The following NAV3 variants were observed in gnomAD, a reference collection of about 807,000 sequenced individuals.
The protein encoded by NAV3 is neuron navigator 3.
Under a neutral mutation model 244.7 loss-of-function variants are expected in NAV3, and 87 were observed. That is an observed-to-expected ratio of 0.36 (90% CI 0.30 to 0.42). The LOEUF is 0.42. NAV3 is among the 20% of genes least tolerant of loss of function. The probability of loss-of-function intolerance (pLI) is 1.00; values close to 1 mark genes in which losing one functional copy is unlikely to be tolerated. For missense variants in NAV3, 2,663 were observed against 2,893.3 expected (o/e 0.92, Z 1.83); for synonymous variants, 1,126 against 1,042.2 (o/e 1.08, Z -1.55).
intron 8 of NAV3, among the ~76,000 whole-genome samples, chr12:78,012,754 A>G (rs1309408703): frequency 6.6e-6 from 1 of 152,090 alleles, no homozygotes; most frequent in Non-Finnish European, 1.5e-5. Flanking sequence ...TCAGAATTCT[A>G]TTTAATCATC....
intron 1 of NAV3, among the ~76,000 whole-genome samples, chr12:77,837,145 C>T (rs1368723242): frequency 6.6e-6 from 1 of 151,040 alleles, no homozygotes; most frequent in Non-Finnish European, 1.5e-5. Flanking sequence ...CAGAAAAGAC[C>T]GAATTTTTGA....
chr12:77,613,866 C>T (rs1565737267), intron 2 of NAV3, among the ~76,000 whole-genome samples: 2 of 152,104 alleles, frequency 1.3e-5, no homozygotes, highest in African/African-American at 2.4e-5. Flanking sequence ...ACCAAGTCTA[C>T]CTGACGGCCC....
intron 5 of NAV3, among the ~76,000 whole-genome samples, chr12:77,973,442 G>A (rs11107622): frequency 0.32 from 48,131 of 151,904 alleles, 7,864 homozygotes; most frequent in African/African-American, 0.38. Context: ...TTGATTTTAT[G>A]GGAGCAAATC....
At chr12:78,126,757 C>G (rs1199364683) in intron 16 of NAV3, among the ~76,000 whole-genome samples, 2 of 152,030 alleles carry the variant, frequency 1.3e-5, no homozygotes, top group Non-Finnish European at 2.9e-5. Context: ...ATGTTTTATA[C>G]CATCTCTGTC....
At chr12:77,968,964 A>C (rs1340015560) in intron 5 of NAV3, among the ~76,000 whole-genome samples, 1 of 152,106 alleles carries the variant, frequency 6.6e-6, no homozygotes, top group East Asian at 1.9e-4. Context: ...CTTTGGTGTA[A>C]GTAATGTGGC....
chr12:77,721,259 A>G (rs1486236542), intron 2 of NAV3, among the ~76,000 whole-genome samples: 2 of 152,230 alleles, frequency 1.3e-5, no homozygotes, highest in East Asian at 1.9e-4. Flanking sequence ...GTTATTTATT[A>G]TATATAATAA....
chr12:78,178,010 T>C (rs79846707), intron 28 of NAV3, among the ~76,000 whole-genome samples: 1 of 53,844 alleles, frequency 1.9e-5, no homozygotes, highest in Non-Finnish European at 5.6e-5. Context: ...TATATTATGT[T>C]TTTTTTTTCT....
chr12:77,674,148 A>C (rs1874105677), intron 2 of NAV3, among the ~76,000 whole-genome samples: 1 of 152,194 alleles, frequency 6.6e-6, no homozygotes, highest in Non-Finnish European at 1.5e-5. Context: ...AAAAATAGCA[A>C]ACCATTTTAT....
At chr12:77,932,531 A>AT (rs1422350849) in intron 1 of NAV3, among the ~76,000 whole-genome samples, 1 of 152,136 alleles carries the variant, frequency 6.6e-6, no homozygotes, top group Admixed American at 6.5e-5. Flanking sequence ...TTGAGTTAAG[A>AT]TTTTTTGTTC....
chr12:77,829,296 T>G (rs974032360), upstream of NAV3, among the ~76,000 whole-genome samples: 1 of 152,200 alleles, frequency 6.6e-6, no homozygotes, highest in African/African-American at 2.4e-5. Flanking sequence ...ACCCAATTAT[T>G]TTTTTATGTA....
At chr12:77,663,670 C>T (rs1266102422) in intron 2 of NAV3, among the ~76,000 whole-genome samples, 2 of 152,076 alleles carry the variant, frequency 1.3e-5, no homozygotes, top group African/African-American at 2.4e-5. Flanking sequence ...TACAGGCCTG[C>T]ACCACCATGC....
intron 29 of NAV3, among the ~76,000 whole-genome samples, chr12:78,180,369 C>T (rs1002723367): frequency 6.6e-6 from 1 of 151,872 alleles, no homozygotes; most frequent in African/African-American, 2.4e-5. Context: ...AGCTTAGTGT[C>T]CCGATTGGAA....
intron 11 of NAV3, among the ~76,000 whole-genome samples, chr12:78,055,232 GTGTATATATACATATATATGCACACA>G: frequency 1.2e-3 from 1 of 814 alleles, no homozygotes; most frequent in African/African-American, 2.3e-3. Flanking sequence ...GCACACATAT[GTGTATATATACATATATATGCACACA>G]TATGTGTATA....
At chr12:77,690,630 C>T (rs1392900698) in intron 2 of NAV3, among the ~76,000 whole-genome samples, 1 of 150,614 alleles carries the variant, frequency 6.6e-6, no homozygotes, top group African/African-American at 2.4e-5. Flanking sequence ...CCAAGCTCAA[C>T]TCTGTCATAT....
At chr12:77,944,206 A>G (rs748942086) in intron 3 of NAV3, among the ~76,000 whole-genome samples, 27 of 152,184 alleles carry the variant, frequency 1.8e-4, no homozygotes, top group Non-Finnish European at 1.8e-4. Context: ...GAAGCCTGAT[A>G]GTGTAGGGCC....
At chr12:77,897,259 C>T (rs748074914) in intron 1 of NAV3, among the ~76,000 whole-genome samples, 8 of 152,086 alleles carry the variant, frequency 5.3e-5, no homozygotes, top group African/African-American at 1.9e-4. Context: ...ATACTTGGTC[C>T]GTTTTGGAAA....
chr12:77,629,512 A>G (rs986045511), intron 2 of NAV3, among the ~76,000 whole-genome samples: 1 of 152,160 alleles, frequency 6.6e-6, no homozygotes, highest in African/African-American at 2.4e-5. Context: ...TCACTTGTAA[A>G]GTTTTGGGTA....
intron 9 of NAV3, among the ~76,000 whole-genome samples, chr12:78,046,421 GT>G (rs112472191): frequency 9.2e-5 from 14 of 152,300 alleles, no homozygotes; most frequent in African/African-American, 3.4e-4. Flanking sequence ...AGACATTCTG[GT>G]ATGTAGTTTC....
intron 2 of NAV3, among the ~76,000 whole-genome samples, chr12:77,728,475 C>G (rs555965042): frequency 6.6e-6 from 1 of 152,028 alleles, no homozygotes; most frequent in South Asian, 2.1e-4. Context: ...ACTGAGGAAG[C>G]TTTAGTTTAC....
Sources: allele counts gnomAD v4.1 joint callset (sites outside exome capture counted in the v4.1 genomes callset), GRCh38; gene constraint gnomAD v4.1.1; transcripts MANE v1.5; gene names NCBI Gene and HGNC (gene_info 2026-07-23, HGNC 2026-07-21).